TAS1R2: variants seen among roughly 807,000 people sequenced by gnomAD.
TAS1R2 encodes taste receptor type 1 member 2.
Under a neutral mutation model 49.3 loss-of-function variants are expected in TAS1R2, and 47 were observed. The ratio of observed to expected loss-of-function variants is 0.95; its 90% confidence interval spans 0.75 to 1.22. The LOEUF is 1.22. Among genes scored for constraint, TAS1R2 ranks in the 50% most tolerant of loss-of-function variants. The pLI is 0.00. For missense variants in TAS1R2, 1,155 were observed against 1,122.1 expected, an observed-to-expected ratio of 1.03 and a Z score of -0.42; for synonymous variants, 479 against 467.9, an observed-to-expected ratio of 1.02 and a Z score of -0.31.
chr1:18,853,118 G>C (rs555904862), intron 3 of TAS1R2, among the ~76,000 whole-genome samples: 2 of 152,288 alleles, frequency 1.3e-5, no homozygotes, highest in South Asian at 4.1e-4. Flanking sequence ...GGGTTCAAAA[G>C]CATGGTCCAC....
chr1:18,855,811 G>A (rs2100525424), intron 2 of TAS1R2, among the ~76,000 whole-genome samples: 1 of 152,248 alleles, frequency 6.6e-6, no homozygotes, highest in Middle Eastern at 3.4e-3. Context: ...CAGTGACTCA[G>A]GGCAAAAACT....
At chr1:18,840,592 C>G (rs1933805685) in intron 5 of TAS1R2, 65 bp from the exon 6 acceptor site, 2 of 1,565,878 alleles carry the variant, frequency 1.3e-6, no homozygotes, top group Admixed American at 1.7e-5. Context: ...TCCTCCCAGC[C>G]CTGCACAGGG....
At position 18,849,401 on chromosome 1, in the gene TAS1R2, G is replaced by T. The variant is rs200704390; in HGVS notation, c.1407C>A (p.Tyr469Ter). 2.5e-5 allele frequency: 40 copies of T among 1,614,188 alleles called. No homozygotes were observed. Among genetic ancestry groups the T allele is most frequent in the Middle Eastern group, 1.7e-4 (1 of 6,054 alleles). ...TGTTCTTCAGCTGTCGCTGCAGGGG[G>T]TAGTAGGAGGCGACGCTCTGGAAGG... is the stretch of plus-strand genomic sequence containing the variant. Residue 469 changes from tyrosine (Y) to a stop codon, truncating the protein, a stop_gained, in exon 4 of 6, where the codon TAC (tyrosine) becomes TAA (stop). Transcript: ENST00000375371. LOFTEE classifies it high-confidence loss of function.
At chr1:18,845,535 G>T (rs997462910) in intron 4 of TAS1R2, among the ~76,000 whole-genome samples, 2 of 152,174 alleles carry the variant, frequency 1.3e-5, no homozygotes, top group African/African-American at 2.4e-5. Context: ...GTCCCCAAAG[G>T]GGGAATACTT....
chr1:18,854,111 T>C lies in TAS1R2; in HGVS notation c.1257+102A>G, dbSNP rs1019272696. 1.8e-5 allele frequency: 21 copies of C among 1,198,588 alleles called. No individual in the cohort carries two copies. Among genetic ancestry groups the C allele is most frequent in the Non-Finnish European group, 2.3e-6 (2 of 862,478 alleles). 74.2% of individuals were successfully genotyped at this position (1,198,588 alleles called of 1,614,324 possible). On this transcript the variant is annotated intron_variant, in intron 3 of 5. Coordinates refer to ENST00000375371, the Ensembl canonical transcript of TAS1R2. This position sits in a 1 kb window ranked among gnomAD's most constrained non-coding sequence, Gnocchi z 4.9. ...CCAGGAAGGACTAGTGCTATGTGTC[T>C]GGAAGAATGGGATACTCATGCCCTT...
At chr1:18,846,722 T>C (rs1371835381) in intron 4 of TAS1R2, among the ~76,000 whole-genome samples, 3 of 152,182 alleles carry the variant, frequency 2.0e-5, no homozygotes, top group Admixed American at 1.3e-4. Flanking sequence ...GGGATGAACT[T>C]GGAGACAGAC....
At chr1:18,844,892 C>T (rs1489242297) in intron 4 of TAS1R2, among the ~76,000 whole-genome samples, 3 of 152,238 alleles carry the variant, frequency 2.0e-5, no homozygotes, top group African/African-American at 7.2e-5. Context: ...AACCCAACAG[C>T]TTGAGCTTCC....
chr1:18,849,227 G>C, intron 4 of TAS1R2, 114 bp downstream of exon 4: 2 of 1,117,030 alleles, frequency 1.8e-6, no homozygotes, highest in Non-Finnish European at 2.5e-6. Context: ...CATCCCCCCA[G>C]AGATTGATAA....
intron 4 of TAS1R2, among the ~76,000 whole-genome samples, chr1:18,847,124 C>T (rs1193632622): frequency 6.6e-6 from 1 of 152,304 alleles, no homozygotes; most frequent in Non-Finnish European, 1.5e-5. Flanking sequence ...GCCCATGCAA[C>T]CTCTTTTCTC....
At chr1:18,844,970 C>A (rs1037524279) in intron 4 of TAS1R2, among the ~76,000 whole-genome samples, 7 of 152,212 alleles carry the variant, frequency 4.6e-5, no homozygotes, top group Admixed American at 3.9e-4. Flanking sequence ...GAGACCCACC[C>A]ATGCTGAGCC....
At chr1:18,845,915 G>A (rs1933911632) in intron 4 of TAS1R2, among the ~76,000 whole-genome samples, 2 of 152,208 alleles carry the variant, frequency 1.3e-5, no homozygotes, top group Non-Finnish European at 1.5e-5. Flanking sequence ...AAGCAGAAGA[G>A]AGAGATGAAT....
chr1:18,841,986 A>G (rs1008171707), intron 4 of TAS1R2, 134 bp from the exon 5 acceptor site: 337 of 901,030 alleles, frequency 3.7e-4, no homozygotes, highest in African/African-American at 1.6e-3. Context: ...AAACTGTAGA[A>G]AAAAAAAAAA....
rs188202293 is a variant in TAS1R2 at position 18,842,789 on chromosome 1, G to C, written c.1468-937C>G. The stretch of plus-strand genomic sequence containing the variant: ...GTAGAAGGATGGTTGCCAGAGGCTG[G>C]AGGAAGGAAGAAATGGGGAGTTGTT... On this transcript the variant is annotated intron_variant, in intron 4 of 5. Coordinates refer to ENST00000375371, the Ensembl canonical transcript of TAS1R2. 6.1e-4 allele frequency among the ~76,000 whole-genome samples: 93 copies of C among 152,316 alleles called. 1 individual carries two copies. In the Middle Eastern group the frequency reaches 0.014, roughly 22 times the overall value.
At position 18,854,516 on chromosome 1, in the gene TAS1R2, G is replaced by A. The variant is rs371155453; in HGVS notation, c.954C>T (p.His318=). Reference sequence around the variant, plus strand: ...TGGTGATGCCCAGGAAGGTGCCCAAGTGGCGCAGCTCCGTGAGGTTGTGCA... The same window carrying A: ...TGGTGATGCCCAGGAAGGTGCCCAAATGGCGCAGCTCCGTGAGGTTGTGCA... The change falls in exon 3 of 6, where the codon CAC becomes CAT. Residue 318 remains histidine, a synonymous_variant. Transcript: ENST00000375371. The surrounding 1 kb of genome is among the most constrained non-coding windows in gnomAD (Gnocchi z 4.9). 225 of 1,613,926 alleles carry A rather than the reference G, an allele frequency of 1.4e-4. No individual in the cohort carries two copies. Among genetic ancestry groups the A allele is most frequent in the Non-Finnish European group, 1.8e-4 (218 of 1,180,008 alleles).
exon 2 of TAS1R2, chr1:18,857,362 G>A: frequency 1.2e-6 from 2 of 1,614,100 alleles, no homozygotes; most frequent in Non-Finnish European, 1.7e-6. Flanking sequence ...GAGGAAGTTG[G>A]CCACAGTCAT....
In TAS1R2 at chr1:18,859,043, C is replaced by T. The variant is rs561117883; in HGVS notation, c.182+436G>A. 9.2e-5 allele frequency among the ~76,000 whole-genome samples: 14 copies of T among 152,260 alleles called. No homozygotes were observed. In the South Asian group the frequency reaches 1.5e-3, roughly 16 times the overall value. ...GGTGGGGGAAGAGGAACTTCCCTCT[C>T]GGCCCAAAAGCACCCCTACCCACCA... is the stretch of plus-strand genomic sequence containing the variant. On this transcript the variant is annotated intron_variant, in intron 1 of 5. Coordinates refer to ENST00000375371, the Ensembl canonical transcript of TAS1R2.
chr1:18,848,153 T>G (rs1439643207), intron 4 of TAS1R2, among the ~76,000 whole-genome samples: 1 of 152,034 alleles, frequency 6.6e-6, no homozygotes, highest in African/African-American at 2.4e-5. Context: ...ATGCTGTATA[T>G]AGAGAACCTC....
At chr1:18,846,372 G>C (rs992183371) in intron 4 of TAS1R2, among the ~76,000 whole-genome samples, 1 of 152,192 alleles carries the variant, frequency 6.6e-6, no homozygotes, top group Non-Finnish European at 1.5e-5. Flanking sequence ...GCTCAGAGTA[G>C]TGTGTGGCTT....
exon 6 of TAS1R2, chr1:18,839,615 G>A (rs772490450): frequency 1.9e-6 from 3 of 1,614,146 alleles, no homozygotes; most frequent in Non-Finnish European, 2.5e-6. Flanking sequence ...CCTCCTCATG[G>A]TGTAGCCCTG....
Sources: gnomAD v4.1 joint callset for allele counts (sites outside exome capture counted in the v4.1 genomes callset) on GRCh38, gnomAD v4.1.1 for gene constraint, Gnocchi (gnomAD v3.1) non-coding constraint, MANE v1.5 for transcripts, NCBI Gene and HGNC (gene_info 2026-07-23, HGNC 2026-07-21) for gene names.